Variants in PTPRM observed in about 807,000 individuals in gnomAD.
The protein encoded by PTPRM is protein tyrosine phosphatase receptor type M.
In PTPRM, 47 loss-of-function variants were observed where a neutral mutation model predicts 186.7. The observed-to-expected ratio is 0.25, with a 90% CI of 0.20 to 0.32. The LOEUF is 0.32. Ranked by LOEUF, PTPRM falls within the 10% of genes least tolerant of loss-of-function variation. PTPRM has a pLI of 1.00. For missense variants in PTPRM, 1,494 were observed against 1,865.0 expected, an observed-to-expected ratio of 0.80 and a Z score of 3.66; for synonymous variants, 668 against 674.9, an observed-to-expected ratio of 0.99 and a Z score of 0.16.
intron 13 of PTPRM, among the ~76,000 whole-genome samples, chr18:8,140,726 G>C (rs2092747323): frequency 1.3e-5 from 2 of 152,062 alleles, no homozygotes; most frequent in Non-Finnish European, 2.9e-5. Context: ...ACACATGCAA[G>C]TTTATTCTCT....
At chr18:8,190,960 A>G (rs1435012903) in intron 14 of PTPRM, among the ~76,000 whole-genome samples, 1 of 152,224 alleles carries the variant, frequency 6.6e-6, no homozygotes, top group Non-Finnish European at 1.5e-5. Context: ...CTTGCATAGG[A>G]AAGATTAATT....
intron 2 of PTPRM, among the ~76,000 whole-genome samples, chr18:7,826,667 C>A (rs1397399940): frequency 6.6e-6 from 1 of 152,208 alleles, no homozygotes; most frequent in Non-Finnish European, 1.5e-5. Flanking sequence ...ATTTGTTCAT[C>A]ATGGAAAATA....
At chr18:7,827,830 G>T in intron 2 of PTPRM, among the ~76,000 whole-genome samples, 1 of 152,204 alleles carries the variant, frequency 6.6e-6, no homozygotes, top group East Asian at 1.9e-4. Context: ...AGGAGGCATG[G>T]TTTTCTCACA....
chr18:8,344,042 G>T (rs10502369), intron 23 of PTPRM, among the ~76,000 whole-genome samples: 4,903 of 152,278 alleles, frequency 0.032, 455 homozygotes, highest in East Asian at 0.19. Flanking sequence ...CTGTTTATGA[G>T]CAGTGCTTTT....
At chr18:8,291,088 C>T (rs2095037992) in intron 19 of PTPRM, among the ~76,000 whole-genome samples, 1 of 152,180 alleles carries the variant, frequency 6.6e-6, no homozygotes, top group African/African-American at 2.4e-5. Context: ...GATGGGATGT[C>T]CTCAGGGGCT....
chr18:8,007,940 C>T (rs143613517), intron 7 of PTPRM, among the ~76,000 whole-genome samples: 200 of 152,244 alleles, frequency 1.3e-3, no homozygotes, highest in African/African-American at 4.5e-3. Flanking sequence ...TTGGTAAGTG[C>T]GTTCCTGCCT....
chr18:7,966,799 G>A (rs1183163723), intron 7 of PTPRM, among the ~76,000 whole-genome samples: 2 of 133,642 alleles, frequency 1.5e-5, no homozygotes, highest in Non-Finnish European at 3.5e-5. Context: ...TGGCTCGGAG[G>A]GTCCTACGCC....
At chr18:7,833,092 G>A (rs2045843707) in intron 2 of PTPRM, among the ~76,000 whole-genome samples, 1 of 151,866 alleles carries the variant, frequency 6.6e-6, no homozygotes, top group African/African-American at 2.4e-5. Context: ...GGATAGCTTT[G>A]ACTATTCTGG....
intron 1 of PTPRM, among the ~76,000 whole-genome samples, chr18:7,769,970 G>A (rs1260795217): frequency 6.6e-6 from 1 of 152,062 alleles, no homozygotes; most frequent in Non-Finnish European, 1.5e-5. Context: ...CCTCCATCTT[G>A]TATATGACTT....
chr18:7,942,613 G>A (rs1222101235), intron 5 of PTPRM, among the ~76,000 whole-genome samples: 2 of 150,954 alleles, frequency 1.3e-5, no homozygotes, highest in Non-Finnish European at 3.0e-5. Context: ...AAAGGGGCAA[G>A]TGGAATTTCA....
At position 7,955,264 on chromosome 18, in the gene PTPRM, A is replaced by T; in HGVS notation, c.982A>T (p.Asn328Tyr). The change falls in exon 7 of 33, where the codon AAT (asparagine) becomes TAT (tyrosine). Residue 328 changes from asparagine to tyrosine, a missense_variant. Around this residue, in one of 3 missense-constraint regions of PTPRM, gnomAD observed 91 missense variants for 169.3 expected, o/e 0.54. Transcript: ENST00000580170. ...GTACTGCACGGCCAGTGGGAGCTGG[A>T]ATGACCGGCAGCCAGTCGATTCCAC... ...VEYCTASGSW[N>Y]DRQPVDSTSY... 1 of 1,614,044 alleles carries T rather than the reference A, an allele frequency of 6.2e-7. No individual in the cohort carries two copies. Among genetic ancestry groups the T allele is most frequent in the African/African-American group, 1.3e-5 (1 of 75,016 alleles).
At chr18:7,673,131 GA>G (rs768285817) in intron 1 of PTPRM, among the ~76,000 whole-genome samples, 2 of 152,188 alleles carry the variant, frequency 1.3e-5, no homozygotes, top group African/African-American at 2.4e-5. Flanking sequence ...GAGAACTGGA[GA>G]TTAATGCTGG....
At chr18:7,905,513 TTC>T (rs1210850132) in intron 3 of PTPRM, among the ~76,000 whole-genome samples, 10 of 152,212 alleles carry the variant, frequency 6.6e-5, no homozygotes, top group Non-Finnish European at 1.3e-4. Context: ...AGTTAGCATA[TTC>T]TCTTCACTGC....
chr18:7,755,276 C>T (rs765512981), intron 1 of PTPRM: 8 of 151,676 alleles, frequency 5.3e-5, no homozygotes, highest in Non-Finnish European at 7.4e-5. Flanking sequence ...AAAGTAGGCT[C>T]TATTGGAGGT....
intron 32 of PTPRM, among the ~76,000 whole-genome samples, chr18:8,405,649 G>A (rs1486521246): frequency 6.6e-6 from 1 of 152,218 alleles, no homozygotes; most frequent in African/African-American, 2.4e-5. Context: ...AAATTCTCAT[G>A]AGATTGAGGA....
chr18:7,769,197 A>G (rs1245655106), intron 1 of PTPRM, among the ~76,000 whole-genome samples: 1 of 152,056 alleles, frequency 6.6e-6, no homozygotes, highest in Non-Finnish European at 1.5e-5. Flanking sequence ...GTAGTTGTGT[A>G]TCTTCTTGGT....
chr18:8,164,890 G>C (rs1310761230), intron 14 of PTPRM, among the ~76,000 whole-genome samples: 1 of 43,300 alleles, frequency 2.3e-5, no homozygotes, highest in Non-Finnish European at 5.8e-5. Flanking sequence ...TCTAAGGCCA[G>C]GCGCAGTGGC....
intron 1 of PTPRM, among the ~76,000 whole-genome samples, chr18:7,643,457 A>C (rs898443859): frequency 3.3e-5 from 5 of 152,012 alleles, no homozygotes; most frequent in Admixed American, 1.3e-4. Context: ...CTTCTGTCTC[A>C]GCCTCCCGAG....
At chr18:8,302,538 TG>T (rs1347553911) in intron 20 of PTPRM, among the ~76,000 whole-genome samples, 2 of 152,108 alleles carry the variant, frequency 1.3e-5, no homozygotes, top group Non-Finnish European at 2.9e-5. Flanking sequence ...TAGATCTGAC[TG>T]CAGAGAAAGT....
Sources: allele counts gnomAD v4.1 joint callset (sites outside exome capture counted in the v4.1 genomes callset), GRCh38; gene constraint gnomAD v4.1.1; regional missense constraint gnomAD v4.1.1; transcripts MANE v1.5; gene names NCBI Gene and HGNC (gene_info 2026-07-23, HGNC 2026-07-21).